The following FAM178B variants were observed in gnomAD, a reference collection of about 807,000 sequenced individuals.
FAM178B encodes the protein protein FAM178B.
A neutral mutation model predicts 91.7 loss-of-function variants in FAM178B; 82 were observed. That is an observed-to-expected ratio of 0.89 (90% confidence interval 0.75 to 1.07). The LOEUF (loss-of-function observed/expected upper bound fraction) is 1.07. FAM178B is among the 50% of genes least tolerant of loss of function. The pLI is 0.00. For missense variants in FAM178B, 769 were observed against 846.7 expected (o/e 0.91, Z 1.14); for synonymous variants, 368 against 359.4 (o/e 1.02, Z -0.27).
At chr2:96,928,513 G>A (rs1057510576) in intron 9 of FAM178B, among the ~76,000 whole-genome samples, 2 of 152,130 alleles carry the variant, frequency 1.3e-5, no homozygotes, top group Non-Finnish European at 2.9e-5. Context: ...CAAAACTGAG[G>A]GTTGTGGGAA....
chr2:96,972,114 G>A lies in FAM178B; in HGVS notation c.351C>T (p.Phe117=). ...TGGCCTGCAGCACCCTCGGGTTGAG[G>A]AATTCCACGGGCGGGGGGCTCCAGT... The part of the protein sequence containing the change: ...PTDWSPPPVE[F]LNPRVLQASR... Residue 117 remains phenylalanine (F), a synonymous_variant, in exon 3 of 17, where the codon TTC becomes TTT. Transcript: ENST00000490605. 3.3e-6 allele frequency: 5 copies of A among 1,523,804 alleles called. No individual in the cohort carries two copies. Among genetic ancestry groups the A allele is most frequent in the Non-Finnish European group, 3.5e-6 (4 of 1,133,578 alleles). 94.4% of individuals were successfully genotyped at this position (1,523,804 alleles called of 1,614,324 possible).
At chr2:96,984,572 T>C (rs764074020) in intron 1 of FAM178B, among the ~76,000 whole-genome samples, 20 of 152,328 alleles carry the variant, frequency 1.3e-4, no homozygotes, top group African/African-American at 1.7e-4. Flanking sequence ...CAGGGCTGCC[T>C]GCTCAGTGGG....
At chr2:96,876,786 C>G (rs143986135) in intron 16 of FAM178B, among the ~76,000 whole-genome samples, 251 of 151,980 alleles carry the variant, frequency 1.7e-3, no homozygotes, top group African/African-American at 6.0e-3. Flanking sequence ...GTGGTCCTCA[C>G]CAGGTCCTGT....
In FAM178B at chr2:96,923,544, C is replaced by T; in HGVS notation, c.1233G>A (p.Glu411=). ...AGGCAATCTCTTGGGGAGCGTCCTG[C>T]TCCTCATTCTCATTCAGGCCAGCCT... The part of the protein sequence containing the change: ...PGEAGLNENE[E]QDAPQEIALD... The change falls in exon 10 of 17, where the codon GAG becomes GAA. Residue 411 remains glutamate (E), a synonymous_variant. Coordinates refer to ENST00000490605, the MANE Select transcript of FAM178B (RefSeq NM_001122646.3). The T allele has an allele frequency of 6.4e-7, 1 of 1,551,716 alleles. No individual in the cohort carries two copies. Among genetic ancestry groups the T allele is most frequent in the Non-Finnish European group, 8.7e-7 (1 of 1,146,976 alleles).
chr2:96,949,949 G>A, intron 7 of FAM178B: 1 of 980,098 alleles, frequency 1.0e-6, no homozygotes, highest in Non-Finnish European at 1.2e-6. Context: ...GGAGTAGGTG[G>A]CAGGGCCAGA....
chr2:96,946,741 A>G lies in FAM178B; in HGVS notation c.1078+1077T>C, dbSNP rs578231893. On this transcript the variant is annotated intron_variant, in intron 8 of 16. Coordinates refer to ENST00000490605, the MANE Select transcript of FAM178B (RefSeq NM_001122646.3). Reference sequence around the variant, plus strand: ...GGACAAGGGAAGCCTCTGTTCCCCTAAAGGGCAGGCATGCCGCAGAGGCGG... The same window carrying G: ...GGACAAGGGAAGCCTCTGTTCCCCTGAAGGGCAGGCATGCCGCAGAGGCGG... 7.9e-5 allele frequency among the ~76,000 whole-genome samples: 12 copies of G among 152,390 alleles called. No homozygotes were observed. The South Asian group carries it at 2.3e-3, about 29-fold the overall frequency.
chr2:96,964,352 A>G (rs1234786626), intron 5 of FAM178B, among the ~76,000 whole-genome samples: 2 of 152,188 alleles, frequency 1.3e-5, no homozygotes, highest in Non-Finnish European at 2.9e-5. Context: ...ACAGGCCTTT[A>G]AAGAGTGAAT....
At chr2:96,919,185 G>A (rs1172898989) in intron 12 of FAM178B, among the ~76,000 whole-genome samples, 1 of 152,210 alleles carries the variant, frequency 6.6e-6, no homozygotes, top group East Asian at 1.9e-4. Flanking sequence ...ATACTATGCA[G>A]CTGTGAAAAG....
chr2:96,929,763 A>C (rs2153371641), intron 8 of FAM178B, among the ~76,000 whole-genome samples: 1 of 152,108 alleles, frequency 6.6e-6, no homozygotes, highest in Non-Finnish European at 1.5e-5. Flanking sequence ...CCTCTGCAGC[A>C]CTCTTGCTGC....
chr2:96,882,070 A>G (rs1272159882), intron 14 of FAM178B, among the ~76,000 whole-genome samples: 1 of 152,174 alleles, frequency 6.6e-6, no homozygotes, highest in Non-Finnish European at 1.5e-5. Flanking sequence ...CATTATTGGC[A>G]TAGGAAACAC....
intron 13 of FAM178B, among the ~76,000 whole-genome samples, chr2:96,895,380 GCTGA>G (rs2080801548): frequency 6.6e-6 from 1 of 152,176 alleles, no homozygotes; most frequent in Non-Finnish European, 1.5e-5. Context: ...ACTGCTTTTG[GCTGA>G]CTATGGCACC....
intron 12 of FAM178B, among the ~76,000 whole-genome samples, chr2:96,916,496 G>C (rs2081243148): frequency 6.6e-6 from 1 of 152,202 alleles, no homozygotes; most frequent in Admixed American, 6.5e-5. Context: ...TGAAGGAAGA[G>C]GATCCCCAGA....
intron 14 of FAM178B, among the ~76,000 whole-genome samples, chr2:96,879,052 T>C (rs1048580948): frequency 1.3e-5 from 2 of 152,234 alleles, no homozygotes; most frequent in Non-Finnish European, 2.9e-5. Flanking sequence ...GCCTGCTCCA[T>C]CTGGCCCGAG....
chr2:96,877,817 G>A, intron 16 of FAM178B, 73 bp downstream of exon 16: 2 of 1,470,952 alleles, frequency 1.4e-6, no homozygotes, highest in Non-Finnish European at 9.2e-7. Context: ...GGGTGGATGT[G>A]CTGGTGGCTC....
At chr2:96,944,617 C>T (rs947799440) in intron 8 of FAM178B, among the ~76,000 whole-genome samples, 17 of 152,178 alleles carry the variant, frequency 1.1e-4, no homozygotes, top group Non-Finnish European at 2.4e-4. Context: ...CCTGAGACTG[C>T]GCATCTACTG....
intron 8 of FAM178B, among the ~76,000 whole-genome samples, chr2:96,932,150 T>C (rs902597147): frequency 2.6e-5 from 4 of 151,750 alleles, no homozygotes; most frequent in African/African-American, 7.3e-5. Context: ...CCCAAGGAGG[T>C]TGTGCCCGCC....
chr2:96,982,322 C>T (rs1458296904), intron 1 of FAM178B, among the ~76,000 whole-genome samples: 2 of 151,900 alleles, frequency 1.3e-5, no homozygotes, highest in Non-Finnish European at 2.9e-5. Flanking sequence ...TGGAGTATAA[C>T]GGTGCAATCT....
intron 1 of FAM178B, chr2:96,977,778 A>G (rs562782125): frequency 4.4e-6 from 2 of 454,786 alleles, no homozygotes; most frequent in Non-Finnish European, 8.9e-6. Flanking sequence ...GTGTCATCCT[A>G]ACAATGTAAG....
chr2:96,909,367 C>T (rs1443590229), intron 12 of FAM178B, among the ~76,000 whole-genome samples: 1 of 152,118 alleles, frequency 6.6e-6, no homozygotes, highest in Non-Finnish European at 1.5e-5. Flanking sequence ...CTGGGACTTC[C>T]ACTCAAAGCT....
Sources: gnomAD v4.1 joint callset for allele counts (sites outside exome capture counted in the v4.1 genomes callset) on GRCh38, gnomAD v4.1.1 for gene constraint, MANE v1.5 for transcripts, NCBI Gene and HGNC (gene_info 2026-07-23, HGNC 2026-07-21) for gene names.